Variants in OOSP2 observed in about 807,000 individuals in gnomAD.
OOSP2 encodes oocyte-secreted protein 2.
Under a neutral mutation model 13.4 loss-of-function variants are expected in OOSP2, and 7 were observed. That is an observed-to-expected ratio of 0.52 (90% CI 0.30 to 0.98). The LOEUF (loss-of-function observed/expected upper bound fraction) is 0.98. Among genes scored for constraint, OOSP2 ranks in the 50% least tolerant of loss-of-function variants. The pLI, the probability that OOSP2 is intolerant of heterozygous loss-of-function variation, is 0.07. For missense variants in OOSP2, 184 were observed against 188.5 expected (o/e 0.98, Z 0.14); for synonymous variants, 75 against 67.2 (o/e 1.12, Z -0.57).
intron 2 of OOSP2, chr11:60,043,867 C>A: frequency 5.4e-6 from 2 of 369,996 alleles, no homozygotes. Context: ...GGAACTGATT[C>A]TAAGTTGCCC....
chr11:60,043,770 A>G, intron 2 of OOSP2, 123 bp downstream of exon 2: 1 of 567,002 alleles, frequency 1.8e-6, no homozygotes, highest in Non-Finnish European at 3.1e-6. Context: ...TGGGCAGGGG[A>G]CAACGGAATT....
rs1048619733 is a variant in OOSP2 at position 60,047,478 on chromosome 11, A to G, written c.*405A>G. 4 of 153,342 alleles carry G rather than the reference A, an allele frequency of 2.6e-5. No individual in the cohort carries two copies. Among genetic ancestry groups the G allele is most frequent in the African/African-American group, 9.6e-5 (4 of 41,504 alleles). 9.5% of individuals were successfully genotyped at this position (153,342 alleles called of 1,614,324 possible). On this transcript the variant is annotated 3_prime_UTR_variant, in exon 4 of 4. Transcript: ENST00000278855. ...ATGTGCAAGAGGCAAAACTTTGAGC[A>G]TAGTGTAAAATTTAACATATTAACT...
At position 60,047,183 on chromosome 11, in the gene OOSP2, G is replaced by T; in HGVS notation, c.*110G>T. 2 of 883,248 alleles carry T rather than the reference G, an allele frequency of 2.3e-6. No individual in the cohort carries two copies. The highest frequency in any genetic ancestry group is 2.6e-5 in the Admixed American group (1 of 39,028). The allele number at this position is 883,248 out of a possible 1,614,324, so 54.7% of individuals were successfully genotyped here. A position where few individuals can be genotyped will look rare whatever the true frequency, so the allele number is the denominator to read the frequency against. ...GGTGTATATCTCTCCTTAAGTCTCT[G>T]GTTTCTAAAAACCCTACTTCAGTAA... On this transcript the variant is annotated 3_prime_UTR_variant, in exon 4 of 4. Transcript: ENST00000278855.
intron 1 of OOSP2, among the ~76,000 whole-genome samples, chr11:60,042,406 A>G (rs577190392): frequency 1.1e-4 from 17 of 152,268 alleles, no homozygotes; most frequent in Non-Finnish European, 1.3e-4. Flanking sequence ...TGAAATGTGC[A>G]TTGTCTTACC....
chr11:60,041,508 G>A (rs1366884176), intron 1 of OOSP2, among the ~76,000 whole-genome samples: 1 of 152,034 alleles, frequency 6.6e-6, no homozygotes, highest in African/African-American at 2.4e-5. Flanking sequence ...GTATCTATGT[G>A]TGTTTCTCAG....
rs139470831 is a variant in OOSP2 at position 60,045,620 on chromosome 11, T to C, written c.347+846T>C. Among the ~76,000 whole-genome samples the C allele has an allele frequency of 1.2e-3, 177 of 152,112 alleles. 2 individuals are homozygous for C. Among genetic ancestry groups the C allele is most frequent in the Middle Eastern group, 3.4e-3 (1 of 294 alleles). On this transcript the variant is annotated intron_variant, in intron 3 of 3. Transcript: ENST00000278855. ...AAATATACATAATCTTGTACATTTG[T>C]ACAAGTTGTAAATTTGTTAAAATGT...
chr11:60,044,512 C>T (rs1004316187), intron 2 of OOSP2, among the ~76,000 whole-genome samples, 159 bp from the exon 3 acceptor site: 1 of 152,230 alleles, frequency 6.6e-6, no homozygotes, highest in Non-Finnish European at 1.5e-5. Flanking sequence ...AGGGATAACA[C>T]TCCTCTTCTG....
intron 3 of OOSP2, 72 bp from the exon 4 acceptor site, chr11:60,046,872 T>C: frequency 8.3e-7 from 1 of 1,202,414 alleles, no homozygotes; most frequent in Non-Finnish European, 1.2e-6. Context: ...GATCATGATA[T>C]TAAACAGTGG....
chr11:60,042,488 C>A (rs1328359055), intron 1 of OOSP2, among the ~76,000 whole-genome samples: 1 of 152,168 alleles, frequency 6.6e-6, no homozygotes, highest in Non-Finnish European at 1.5e-5. Flanking sequence ...TGGCCACTTG[C>A]TCATTAATAA....
At chr11:60,046,070 CTCTG>C (rs1200086951) in intron 3 of OOSP2, among the ~76,000 whole-genome samples, 5 of 140,618 alleles carry the variant, frequency 3.6e-5, no homozygotes, top group South Asian at 2.3e-4. Flanking sequence ...GTCTGTCTCT[CTCTG>C]TCTGTCTCTC....
chr11:60,047,093 C>T lies in OOSP2; in HGVS notation c.*20C>T. 1.3e-6 allele frequency: 2 copies of T among 1,581,928 alleles called. No individual in the cohort carries two copies. The highest frequency in any genetic ancestry group is 8.6e-7 in the Non-Finnish European group (1 of 1,165,834). On this transcript the variant is annotated 3_prime_UTR_variant, in exon 4 of 4. Coordinates refer to ENST00000278855, the MANE Select transcript of OOSP2 (RefSeq NM_173801.5). The stretch of plus-strand genomic sequence containing the variant: ...CTCTGAGCTAAAGGAGAAATGGAAA[C>T]TTGAAGCTGGTGTTATGTATTTTGC...
chr11:60,042,626 G>A (rs966185165), intron 1 of OOSP2, among the ~76,000 whole-genome samples: 1 of 152,144 alleles, frequency 6.6e-6, no homozygotes, highest in Non-Finnish European at 1.5e-5. Context: ...ACAACAAAAC[G>A]TGCATGGAGC....
chr11:60,046,388 A>G (rs1855008843), intron 3 of OOSP2, among the ~76,000 whole-genome samples: 1 of 152,158 alleles, frequency 6.6e-6, no homozygotes, highest in Non-Finnish European at 1.5e-5. Flanking sequence ...TAATCATGAT[A>G]AATAGATATT....
At chr11:60,040,612 C>A in intron 1 of OOSP2, 89 bp downstream of exon 1, 3 of 778,366 alleles carry the variant, frequency 3.9e-6, no homozygotes, top group Non-Finnish European at 6.9e-6. Context: ...CTGAAGAAAT[C>A]TGATCTTATT....
intron 1 of OOSP2, among the ~76,000 whole-genome samples, chr11:60,043,014 C>T (rs1416956313): frequency 6.6e-6 from 1 of 152,184 alleles, no homozygotes; most frequent in African/African-American, 2.4e-5. Flanking sequence ...TCGCCGTTCT[C>T]CTGCCTCAGC....
At chr11:60,041,575 C>G (rs144916109) in intron 1 of OOSP2, among the ~76,000 whole-genome samples, 1 of 152,074 alleles carries the variant, frequency 6.6e-6, no homozygotes, top group Non-Finnish European at 1.5e-5. Flanking sequence ...TGGCTGGGCA[C>G]GGTGGCTGAT....
chr11:60,046,068 CTCTCTGTCTG>C (rs1419025874), intron 3 of OOSP2, among the ~76,000 whole-genome samples: 2 of 142,080 alleles, frequency 1.4e-5, no homozygotes, highest in Non-Finnish European at 3.1e-5. Context: ...TTGTCTGTCT[CTCTCTGTCTG>C]TCTCTCTCTC....
In OOSP2 at chr11:60,040,458, C is replaced by T. The variant is rs1306785782; in HGVS notation, c.-2C>T. 3 of 1,584,602 alleles carry T rather than the reference C, an allele frequency of 1.9e-6. No individual in the cohort carries two copies. The highest frequency in any genetic ancestry group is 2.6e-6 in the Non-Finnish European group (3 of 1,153,200). On this transcript the variant is annotated 5_prime_UTR_variant, in exon 1 of 4. Coordinates refer to ENST00000278855, the MANE Select transcript of OOSP2 (RefSeq NM_173801.5). ...TGGAGGTCTGCTCAGACGAAGGTCT[C>T]CATGGCGTTAGAAGTCTTGATGCTC... is the stretch of plus-strand genomic sequence containing the variant.
Position 60,047,777 on chromosome 11 carries a change from A to G in OOSP2, c.*704A>G, listed in dbSNP as rs1344131079. 1 of 152,182 alleles carries G rather than the reference A, an allele frequency of 6.6e-6. No homozygotes were observed. Among genetic ancestry groups the G allele is most frequent in the Non-Finnish European group, 1.5e-5 (1 of 67,996 alleles). 9.4% of individuals were successfully genotyped at this position (152,182 alleles called of 1,614,324 possible). On this transcript the variant is annotated 3_prime_UTR_variant, in exon 4 of 4. Transcript: ENST00000278855. ...GCAAAGAGTTATCCTGCCACCTAAG[A>G]GCATTCATTAAATGATTATTTATTA... is the stretch of plus-strand genomic sequence containing the variant.
Sources: gnomAD v4.1 joint callset for allele counts (sites outside exome capture counted in the v4.1 genomes callset) on GRCh38, gnomAD v4.1.1 for gene constraint, MANE v1.5 for transcripts, NCBI Gene and HGNC (gene_info 2026-07-23, HGNC 2026-07-21) for gene names.